ABI1: variants seen among roughly 807,000 people sequenced by gnomAD.
ABI1 encodes the protein abl interactor 1.
ABI1 carries 14 observed loss-of-function variants against 54.6 expected under a neutral mutation model. The ratio of observed to expected loss-of-function variants is 0.26; its 90% CI spans 0.17 to 0.40. The LOEUF (loss-of-function observed/expected upper bound fraction) is 0.40. ABI1 is among the 10% of genes least tolerant of loss of function. The probability of loss-of-function intolerance (pLI) is 1.00; values close to 1 mark genes in which losing one functional copy is unlikely to be tolerated. For synonymous variants in ABI1, 194 were observed against 209.3 expected (o/e 0.93, Z 0.63); for missense variants, 443 against 598.3 (o/e 0.74, Z 2.71).
At chr10:26,811,448 T>C (rs1164988504) in intron 2 of ABI1, among the ~76,000 whole-genome samples, 1 of 152,198 alleles carries the variant, frequency 6.6e-6, no homozygotes, top group East Asian at 1.9e-4. Flanking sequence ...AAAGGTGTCC[T>C]CCTTCCAAAG....
At chr10:26,842,706 A>C (rs1020070366) in intron 1 of ABI1, among the ~76,000 whole-genome samples, 3 of 152,224 alleles carry the variant, frequency 2.0e-5, no homozygotes, top group African/African-American at 7.2e-5. Flanking sequence ...ATAAAAGATA[A>C]AGGCAAGACA....
At chr10:26,856,275 GAA>G (rs199900095) in intron 1 of ABI1, among the ~76,000 whole-genome samples, 2,535 of 105,590 alleles carry the variant, frequency 0.024, 183 homozygotes, top group South Asian at 0.23. Context: ...TCTGTCTAAA[GAA>G]AAAAAAAAAA....
chr10:26,763,489 T>C (rs1190647680), intron 7 of ABI1, among the ~76,000 whole-genome samples: 1 of 152,082 alleles, frequency 6.6e-6, no homozygotes, highest in Non-Finnish European at 1.5e-5. Flanking sequence ...CCCACACATA[T>C]CGTTTGCCTT....
intron 2 of ABI1, among the ~76,000 whole-genome samples, chr10:26,818,779 CA>C (rs1404864802): frequency 6.6e-6 from 1 of 151,994 alleles, no homozygotes; most frequent in African/African-American, 2.4e-5. Flanking sequence ...ATCACGAGGT[CA>C]GGGGTTCAAG....
At chr10:26,802,416 A>T (rs2046621273) in intron 2 of ABI1, among the ~76,000 whole-genome samples, 1 of 152,190 alleles carries the variant, frequency 6.6e-6, no homozygotes, top group Non-Finnish European at 1.5e-5. Context: ...AATTTCACCG[A>T]CTGAGGCTCC....
At chr10:26,837,176 A>G (rs2049138034) in intron 1 of ABI1, among the ~76,000 whole-genome samples, 1 of 152,228 alleles carries the variant, frequency 6.6e-6, no homozygotes, top group African/African-American at 2.4e-5. Flanking sequence ...CATGGCTTCA[A>G]CAAGAGAAAT....
Position 26,860,088 on chromosome 10 carries a change from G to C in ABI1, c.117+659C>G, listed in dbSNP as rs138011976. On this transcript the variant is annotated intron_variant, in intron 1 of 10. Coordinates refer to ENST00000376140, the MANE Select transcript of ABI1 (RefSeq NM_001012750.3). The surrounding 1 kb of genome is among the most constrained non-coding windows in gnomAD (Gnocchi z 4.1). ...ATTTTAAGATGAACTTCTCTCAAAC[G>C]CCCTCCCTCACTCCCCACACCCGCT... Among the ~76,000 whole-genome samples the C allele has an allele frequency of 1.5e-3, 234 of 152,132 alleles. 1 individual carries two copies. The highest frequency in any genetic ancestry group is 5.4e-3 in the African/African-American group (224 of 41,510).
intron 6 of ABI1, among the ~76,000 whole-genome samples, chr10:26,768,560 C>A (rs927970329): frequency 4.0e-5 from 6 of 151,798 alleles, no homozygotes; most frequent in African/African-American, 9.7e-5. Flanking sequence ...GAAAAAAATT[C>A]TTTAGTCTTA....
intron 2 of ABI1, among the ~76,000 whole-genome samples, chr10:26,782,013 C>T (rs975732191): frequency 6.6e-6 from 1 of 152,162 alleles, no homozygotes; most frequent in Non-Finnish European, 1.5e-5. Context: ...TCATTTGTCT[C>T]ATGGTGAGAG....
chr10:26,751,427 CCCTGTACACTGGG>C (rs566561718), intron 10 of ABI1, among the ~76,000 whole-genome samples, 158 bp downstream of exon 10: 1 of 152,100 alleles, frequency 6.6e-6, no homozygotes, highest in Admixed American at 6.6e-5. Flanking sequence ...GAAAGAATCC[CCCTGTACACTGGG>C]AATAATACAA....
intron 1 of ABI1, among the ~76,000 whole-genome samples, chr10:26,831,986 A>G (rs1170980996): frequency 6.6e-6 from 1 of 152,242 alleles, no homozygotes; most frequent in Non-Finnish European, 1.5e-5. Context: ...ATGTCAAAAA[A>G]ATGTTTTACA....
At chr10:26,845,915 G>T (rs147982858) in intron 1 of ABI1, among the ~76,000 whole-genome samples, 3,256 of 152,156 alleles carry the variant, frequency 0.021, 233 homozygotes, top group East Asian at 0.2. Flanking sequence ...GGCCGAGGCA[G>T]GCAGAGCACC....
At chr10:26,781,797 AG>A (rs771831226) in intron 2 of ABI1, among the ~76,000 whole-genome samples, 2 of 152,204 alleles carry the variant, frequency 1.3e-5, no homozygotes, top group African/African-American at 2.4e-5. Flanking sequence ...GTTTACAGTA[AG>A]GGTCCATTGT....
chr10:26,780,452 T>G (rs1841966617), intron 2 of ABI1, among the ~76,000 whole-genome samples: 1 of 152,198 alleles, frequency 6.6e-6, no homozygotes, highest in Non-Finnish European at 1.5e-5. Flanking sequence ...CAGGCTGGTC[T>G]CGAACTCCTG....
chr10:26,800,038 G>A (rs566991546), intron 2 of ABI1, among the ~76,000 whole-genome samples: 68 of 151,250 alleles, frequency 4.5e-4, no homozygotes, highest in African/African-American at 1.6e-3. Context: ...AAGACAGTGG[G>A]AGCAGCTTTT....
intron 6 of ABI1, 42 bp downstream of exon 6, chr10:26,768,810 A>T (rs778023478): frequency 1.3e-6 from 2 of 1,575,508 alleles, no homozygotes; most frequent in East Asian, 2.3e-5. Context: ...AGTCAGTTAC[A>T]CCCACTTTAG....
chr10:26,831,404 G>A (rs1293211581), intron 1 of ABI1, among the ~76,000 whole-genome samples: 1 of 152,070 alleles, frequency 6.6e-6, no homozygotes, highest in African/African-American at 2.4e-5. Flanking sequence ...TTAGCCAGGA[G>A]TGGTCGCAGG....
At chr10:26,753,531 T>C (rs530221779) in intron 9 of ABI1, among the ~76,000 whole-genome samples, 1 of 152,330 alleles carries the variant, frequency 6.6e-6, no homozygotes, top group East Asian at 1.9e-4. Flanking sequence ...GAAGTCTTGG[T>C]TAATCTAATT....
chr10:26,859,962 T>G (rs1466773424), intron 1 of ABI1, among the ~76,000 whole-genome samples: 1 of 151,800 alleles, frequency 6.6e-6, no homozygotes, highest in Non-Finnish European at 1.5e-5. Context: ...GAATACATTA[T>G]GGTGGGGCGG....
Sources: gnomAD v4.1 joint callset for allele counts (sites outside exome capture counted in the v4.1 genomes callset) on GRCh38, gnomAD v4.1.1 for gene constraint, Gnocchi (gnomAD v3.1) non-coding constraint, MANE v1.5 for transcripts, NCBI Gene and HGNC (gene_info 2026-07-23, HGNC 2026-07-21) for gene names.